DHRSX: variants seen among roughly 807,000 people sequenced by gnomAD.
The protein encoded by DHRSX is polyprenol dehydrogenase.
Under a neutral mutation model 34.0 loss-of-function variants are expected in DHRSX, and 31 were observed. The ratio of observed to expected loss-of-function variants is 0.91; its 90% CI spans 0.69 to 1.23. The LOEUF is 1.23. Ranked by LOEUF, DHRSX falls within the 50% of genes most tolerant of loss-of-function variation. The pLI is 0.00. For synonymous variants in DHRSX, 201 were observed against 183.8 expected (o/e 1.09, Z -0.76); for missense variants, 414 against 428.1 (o/e 0.97, Z 0.29).
intron 1 of DHRSX, among the ~76,000 whole-genome samples, chrX:2,471,065 A>C (rs1034212036): frequency 3.3e-5 from 5 of 152,206 alleles, no homozygotes; most frequent in African/African-American, 1.2e-4. Flanking sequence ...GTTGTACCTC[A>C]TATACGTGTA....
intron 3 of DHRSX, among the ~76,000 whole-genome samples, chrX:2,380,328 A>C (rs1389525576): frequency 7.6e-6 from 1 of 130,854 alleles, no homozygotes; most frequent in Middle Eastern, 3.5e-3. Flanking sequence ...AAAAAAAAAG[A>C]CTGCATTGCA....
intron 1 of DHRSX, among the ~76,000 whole-genome samples, chrX:2,477,903 C>A (rs1374706654): frequency 8.5e-5 from 13 of 152,076 alleles, no homozygotes; most frequent in African/African-American, 2.9e-4. Context: ...GGACACAAGC[C>A]CCTTCCACCC....
chrX:2,346,580 C>G (rs2042715341), intron 3 of DHRSX, among the ~76,000 whole-genome samples: 1 of 152,000 alleles, frequency 6.6e-6, no homozygotes, highest in Non-Finnish European at 1.5e-5. Flanking sequence ...TCTAAGTAAA[C>G]TACAAGGTGA....
intron 3 of DHRSX, among the ~76,000 whole-genome samples, chrX:2,360,746 G>C (rs1357385034): frequency 1.3e-5 from 2 of 152,042 alleles, no homozygotes; most frequent in Admixed American, 6.6e-5. Context: ...TCTCTTGGTG[G>C]AGTTGGTACC....
chrX:2,223,264 G>T (rs908155633), intron 6 of DHRSX, among the ~76,000 whole-genome samples: 2 of 152,224 alleles, frequency 1.3e-5, no homozygotes, highest in Non-Finnish European at 1.5e-5. Context: ...GACATCTGAT[G>T]GTTTTATAAA....
In DHRSX at chrX:2,370,257, C is replaced by T. The variant is rs761656469; in HGVS notation, c.286+38488G>A. Reference sequence around the variant, plus strand: ...CGCAATCTCGGCTCACTGCAACCTCCGCCTCCTGGGTTCAAGCGATTCTCC... The same window carrying T: ...CGCAATCTCGGCTCACTGCAACCTCTGCCTCCTGGGTTCAAGCGATTCTCC... On this transcript the variant is annotated intron_variant, in intron 3 of 6. Coordinates refer to ENST00000334651, the MANE Select transcript of DHRSX (RefSeq NM_145177.3). Among the ~76,000 whole-genome samples, 4 of 152,070 alleles carry T rather than the reference C, an allele frequency of 2.6e-5. No homozygotes were observed. The South Asian group carries it at 8.3e-4, about 32-fold the overall frequency.
chrX:2,305,801 G>A (rs138231157), intron 3 of DHRSX, among the ~76,000 whole-genome samples: 49,713 of 148,142 alleles, frequency 0.34, 9,980 homozygotes, highest in Middle Eastern at 0.48. Flanking sequence ...GAGAACACAG[G>A]GACACAGGGA....
intron 3 of DHRSX, among the ~76,000 whole-genome samples, chrX:2,359,541 G>T (rs1323317050): frequency 6.6e-6 from 1 of 152,076 alleles, no homozygotes; most frequent in African/African-American, 2.4e-5. Context: ...TTAGCTGGGC[G>T]TGGGGGCGTG....
rs147515958 is a variant in DHRSX at position 2,243,107 on chromosome X, G to A, written c.720C>T (p.Pro240=). 6.5e-4 allele frequency: 1,041 copies of A among 1,613,774 alleles called. 4 individuals are homozygous for A. The highest frequency in any genetic ancestry group is 1.8e-3 in the Middle Eastern group (11 of 6,038). Residue 240 remains proline (P), a synonymous_variant, in exon 6 of 7, where the codon CCC becomes CCT. Coordinates refer to ENST00000334651, the MANE Select transcript of DHRSX (RefSeq NM_145177.3). ...GSHVTANVVD[P]GVVNTDVYKH... The stretch of plus-strand genomic sequence containing the variant: ...TGTAGACGTCCGTGTTGACCACCCC[G>A]GGGTCCACCACGTTGGCGGTCACGT...
chrX:2,328,208 T>C (rs1234874898), intron 3 of DHRSX, among the ~76,000 whole-genome samples: 1 of 143,100 alleles, frequency 7.0e-6, no homozygotes, highest in South Asian at 2.2e-4. Context: ...GCCTACACCT[T>C]GATCTTGGAC....
chrX:2,299,157 G>T (rs1449273124), intron 3 of DHRSX, among the ~76,000 whole-genome samples: 1 of 152,010 alleles, frequency 6.6e-6, no homozygotes, highest in Admixed American at 6.6e-5. Context: ...TAAGCAATTC[G>T]GTCAAGTCAC....
intron 5 of DHRSX, among the ~76,000 whole-genome samples, chrX:2,259,266 C>G (rs2041321804): frequency 6.8e-6 from 1 of 147,256 alleles, no homozygotes; most frequent in African/African-American, 2.5e-5. Flanking sequence ...GAGCAAGACT[C>G]TGTCTCAAAA....
At chrX:2,388,335 G>T (rs73630295) in intron 3 of DHRSX, among the ~76,000 whole-genome samples, 1,616 of 152,232 alleles carry the variant, frequency 0.011, 34 homozygotes, top group African/African-American at 0.037. Flanking sequence ...ATCATATTTG[G>T]ATATGGGGTC....
intron 6 of DHRSX, among the ~76,000 whole-genome samples, chrX:2,235,835 C>A (rs1465317988): frequency 1.4e-5 from 2 of 141,016 alleles, no homozygotes; most frequent in African/African-American, 5.3e-5. Flanking sequence ...TAAGCCAGGA[C>A]GGGTGCGGTG....
chrX:2,470,970 TTAA>T (rs1332647171), intron 1 of DHRSX, among the ~76,000 whole-genome samples: 5 of 152,230 alleles, frequency 3.3e-5, no homozygotes, highest in Admixed American at 2.6e-4. Flanking sequence ...AGCCTGATTA[TTAA>T]TATGTTAGTT....
At chrX:2,262,458 C>T (rs1007745567) in intron 5 of DHRSX, among the ~76,000 whole-genome samples, 16 of 152,088 alleles carry the variant, frequency 1.1e-4, no homozygotes, top group Admixed American at 7.9e-4. Context: ...TGTGTGCCCA[C>T]GGGCACAAAG....
At chrX:2,337,513 T>G (rs1270308225) in intron 3 of DHRSX, among the ~76,000 whole-genome samples, 3 of 152,118 alleles carry the variant, frequency 2.0e-5, no homozygotes, top group Admixed American at 6.6e-5. Flanking sequence ...AGGAGAGAGC[T>G]GAACTTCAAG....
chrX:2,350,144 G>GT (rs1409576831), intron 3 of DHRSX, among the ~76,000 whole-genome samples: 1 of 152,180 alleles, frequency 6.6e-6, no homozygotes, highest in Non-Finnish European at 1.5e-5. Context: ...TTAGTTAGGA[G>GT]TTTGAGACCA....
At chrX:2,473,618 A>G (rs2044627983) in intron 1 of DHRSX, among the ~76,000 whole-genome samples, 3 of 140,484 alleles carry the variant, frequency 2.1e-5, no homozygotes, top group Admixed American at 2.0e-4. Flanking sequence ...GTGACAGAGC[A>G]AGACTCCGTC....
Sources: allele counts gnomAD v4.1 joint callset (sites outside exome capture counted in the v4.1 genomes callset), GRCh38; gene constraint gnomAD v4.1.1; transcripts MANE v1.5; gene names NCBI Gene and HGNC (gene_info 2026-07-23, HGNC 2026-07-21).